The following BLK variants were observed in gnomAD, a reference collection of about 807,000 sequenced individuals.
The protein encoded by BLK is tyrosine-protein kinase Blk.
BLK carries 64 observed loss-of-function variants against 61.8 expected under a neutral mutation model. That is an observed-to-expected ratio of 1.03 (90% CI 0.85 to 1.27). The LOEUF (loss-of-function observed/expected upper bound fraction) is 1.27. BLK is among the 50% of genes most tolerant of loss of function. The pLI, the probability that BLK is intolerant of heterozygous loss-of-function variation, is 0.00. For synonymous variants in BLK, 351 were observed against 272.0 expected, an observed-to-expected ratio of 1.29 and a Z score of -2.86; for missense variants, 853 against 660.5, an observed-to-expected ratio of 1.29 and a Z score of -3.19.
intron 1 of BLK, among the ~76,000 whole-genome samples, chr8:11,516,116 A>T (rs972047750): frequency 6.6e-6 from 1 of 152,264 alleles, no homozygotes; most frequent in South Asian, 2.1e-4. Context: ...ATACTGCTAC[A>T]TGGATGAACC....
At chr8:11,507,547 CAGG>C (rs1158010888) in intron 1 of BLK, among the ~76,000 whole-genome samples, 1 of 152,206 alleles carries the variant, frequency 6.6e-6, no homozygotes, top group Non-Finnish European at 1.5e-5. Context: ...TTTGAAGAGA[CAGG>C]AGCTTAGTGG....
At chr8:11,522,189 T>A (rs1156543834) in intron 1 of BLK, among the ~76,000 whole-genome samples, 3 of 151,310 alleles carry the variant, frequency 2.0e-5, no homozygotes, top group African/African-American at 2.4e-5. Flanking sequence ...AAATGAGCTA[T>A]AAAAAAAAAC....
intron 6 of BLK, chr8:11,554,280 G>C (rs1030866181): frequency 9.1e-6 from 2 of 220,792 alleles, no homozygotes; most frequent in African/African-American, 2.3e-5. Context: ...AGCTTATTAC[G>C]GTGTCCGCCA....
chr8:11,508,018 C>A (rs1231331202), intron 1 of BLK, among the ~76,000 whole-genome samples: 1 of 152,132 alleles, frequency 6.6e-6, no homozygotes. Context: ...GGGTCATCAC[C>A]AGGCCTTGGG....
chr8:11,533,148 T>A (rs747790612), intron 1 of BLK, among the ~76,000 whole-genome samples: 154 of 152,336 alleles, frequency 1.0e-3, no homozygotes, highest in African/African-American at 3.5e-3. Context: ...GAGTTAATTT[T>A]AAATCTCTGC....
chr8:11,549,242 GA>G, intron 5 of BLK, 120 bp downstream of exon 5: 1 of 872,438 alleles, frequency 1.1e-6, no homozygotes, highest in Non-Finnish European at 1.9e-6. Flanking sequence ...CACTAGCAAA[GA>G]GGGGACAGGA....
At chr8:11,527,974 C>T (rs1477182821) in intron 1 of BLK, among the ~76,000 whole-genome samples, 1 of 152,062 alleles carries the variant, frequency 6.6e-6, no homozygotes, top group East Asian at 1.9e-4. Context: ...CTTTCTTAGT[C>T]TTACAAGGGT....
Position 11,545,976 on chromosome 8 carries a change from C to T in BLK, c.124-76C>T. 3.3e-6 allele frequency: 5 copies of T among 1,500,316 alleles called. No homozygotes were observed. The South Asian group carries it at 4.5e-5, about 14-fold the overall frequency. The allele number at this position is 1,500,316 out of a possible 1,614,324, so 92.9% of individuals were successfully genotyped here. A position where few individuals can be genotyped will look rare whatever the true frequency, so the allele number is the denominator to read the frequency against. On this transcript the variant is annotated intron_variant, in intron 2 of 12. Transcript: ENST00000259089. ...CCCTGGAGATACCCTGGCTGCCCGG[C>T]TCAGCAGTCTCAACCCCCAGGCCCC...
chr8:11,542,825 C>G (rs367860872), intron 1 of BLK, among the ~76,000 whole-genome samples: 5 of 152,294 alleles, frequency 3.3e-5, no homozygotes, highest in Admixed American at 1.3e-4. Flanking sequence ...GAAAATGTCA[C>G]TTTCCCAAGT....
rs765904855 is a variant in BLK at position 11,545,990 on chromosome 8, C to T, written c.124-62C>T. On this transcript the variant is annotated intron_variant, in intron 2 of 12. Transcript: ENST00000259089. The stretch of plus-strand genomic sequence containing the variant: ...TGGCTGCCCGGCTCAGCAGTCTCAA[C>T]CCCCAGGCCCCACCCACGCAGCAGG... 35 of 1,570,378 alleles carry T rather than the reference C, an allele frequency of 2.2e-5. No homozygotes were observed. In the Admixed American group the frequency reaches 2.8e-4, roughly 13 times the overall value.
chr8:11,527,175 C>G (rs1563442069), intron 1 of BLK, among the ~76,000 whole-genome samples: 1 of 151,828 alleles, frequency 6.6e-6, no homozygotes, highest in South Asian at 2.1e-4. Context: ...GCTTACAAAA[C>G]TCAACACACC....
At chr8:11,517,020 C>G (rs1170460051) in intron 1 of BLK, among the ~76,000 whole-genome samples, 1 of 152,200 alleles carries the variant, frequency 6.6e-6, no homozygotes, top group East Asian at 1.9e-4. Context: ...GAATTTTACT[C>G]TGAATGAGAG....
In BLK at chr8:11,548,109, C is replaced by G; in HGVS notation, c.253C>G (p.Leu85Val). 5 of 1,613,418 alleles carry G rather than the reference C, an allele frequency of 3.1e-6. No individual in the cohort carries two copies. The highest frequency in any genetic ancestry group is 4.2e-6 in the Non-Finnish European group (5 of 1,179,920). Residue 85 changes from leucine to valine, a missense_variant, in exon 4 of 13, where the codon CTA (leucine) becomes GTA (valine). Physicochemically the swap from Leu to Val is conservative, Grantham distance 32. Transcript: ENST00000259089. ...RDLQMLKGEK[L>V]QVLKGTGDWW... ...CCTGCAGATGCTGAAGGGGGAGAAG[C>G]TACAGGTCCTGAAGGGGTGAGGTTC...
intron 9 of BLK, 116 bp downstream of exon 9, chr8:11,556,953 G>A (rs770555678): frequency 1.3e-5 from 14 of 1,105,504 alleles, no homozygotes; most frequent in East Asian, 2.8e-5. Flanking sequence ...CAGATCTAGG[G>A]CATGGCACGG....
At chr8:11,520,905 T>C (rs1005727591) in intron 1 of BLK, among the ~76,000 whole-genome samples, 40 of 152,144 alleles carry the variant, frequency 2.6e-4, no homozygotes, top group Non-Finnish European at 5.3e-4. Context: ...TCTCCAAAAA[T>C]TGTATATAAA....
chr8:11,503,337 G>A (rs1246693087), intron 1 of BLK, among the ~76,000 whole-genome samples: 1 of 152,170 alleles, frequency 6.6e-6, no homozygotes, highest in African/African-American at 2.4e-5. Flanking sequence ...TTGTGTGTAG[G>A]TGGGCACTCT....
At chr8:11,550,011 G>T (rs1177598217) in intron 5 of BLK, 148 bp from the exon 6 acceptor site, 8 of 728,664 alleles carry the variant, frequency 1.1e-5, no homozygotes, top group Non-Finnish European at 1.9e-5. Context: ...CTCCATCACG[G>T]TGTGAGGAGC....
intron 6 of BLK, among the ~76,000 whole-genome samples, chr8:11,552,227 A>G (rs1016808558): frequency 6.6e-6 from 1 of 152,330 alleles, no homozygotes; most frequent in East Asian, 1.9e-4. Context: ...AAGCTGTCAT[A>G]GCACCCTGTG....
intron 1 of BLK, among the ~76,000 whole-genome samples, chr8:11,517,674 C>A (rs1273407370): frequency 6.6e-6 from 1 of 152,194 alleles, no homozygotes; most frequent in African/African-American, 2.4e-5. Context: ...CAGACCTTGA[C>A]AAGGCAGGGG....
Sources: allele counts gnomAD v4.1 joint callset (sites outside exome capture counted in the v4.1 genomes callset), GRCh38; gene constraint gnomAD v4.1.1; transcripts MANE v1.5; gene names NCBI Gene and HGNC (gene_info 2026-07-23, HGNC 2026-07-21).